Variants in ARMH3 observed in about 807,000 individuals in gnomAD.
ARMH3 encodes the protein armadillo like helical domain containing 3.
Under a neutral mutation model 99.1 loss-of-function variants are expected in ARMH3, and 60 were observed. That is an observed-to-expected ratio of 0.61 (90% confidence interval 0.49 to 0.75). The LOEUF (loss-of-function observed/expected upper bound fraction) is 0.75. ARMH3 is among the 30% of genes least tolerant of loss of function. The pLI is 0.00. For missense variants in ARMH3, 679 were observed against 843.1 expected (o/e 0.81, Z 2.41); for synonymous variants, 285 against 292.8 (o/e 0.97, Z 0.27).
chr10:101,920,741 C>T (rs1843273848), intron 23 of ARMH3, among the ~76,000 whole-genome samples: 1 of 151,994 alleles, frequency 6.6e-6, no homozygotes, highest in Admixed American at 6.6e-5. Flanking sequence ...GCAGAAGCAA[C>T]CCAAGGGTCA....
intron 23 of ARMH3, among the ~76,000 whole-genome samples, chr10:101,915,409 T>TA (rs2135569957): frequency 6.6e-6 from 1 of 152,282 alleles, no homozygotes; most frequent in Admixed American, 6.5e-5. Flanking sequence ...GTGAGCACAC[T>TA]AAGTTGCAGC....
intron 19 of ARMH3, among the ~76,000 whole-genome samples, chr10:101,983,346 A>G (rs1846315134): frequency 6.6e-6 from 1 of 152,168 alleles, no homozygotes; most frequent in Non-Finnish European, 1.5e-5. Context: ...CAGTGGTGCA[A>G]TCACGGCTCA....
At chr10:102,030,988 A>G (rs2067118003) in intron 4 of ARMH3, among the ~76,000 whole-genome samples, 1 of 151,248 alleles carries the variant, frequency 6.6e-6, no homozygotes, top group Admixed American at 6.6e-5. Flanking sequence ...GGTTTTCATC[A>G]TGTTGGCCAG....
At chr10:102,029,912 G>GTT (rs374252131) in intron 4 of ARMH3, among the ~76,000 whole-genome samples, 167 bp from the exon 5 acceptor site, 2 of 148,410 alleles carry the variant, frequency 1.3e-5, no homozygotes, top group Non-Finnish European at 1.5e-5. Context: ...GTTTGGTTCG[G>GTT]TTTTTTTGTT....
At chr10:101,893,511 CTG>C (rs2067743484) in intron 23 of ARMH3, among the ~76,000 whole-genome samples, 1 of 151,738 alleles carries the variant, frequency 6.6e-6, no homozygotes, top group Admixed American at 6.6e-5. Flanking sequence ...TAGCTTCTGT[CTG>C]GGTGGAATGT....
In ARMH3 at chr10:102,040,110, G is replaced by C; in HGVS notation, c.5C>G (p.Ala2Gly). ...CAAACCTCCACGTTTCTCTACCTGT[G>C]CCATGGTTAGAGAATCTGTGAACAG... M[A>G]QVEKRGGLLR... is the part of the protein sequence containing the mutation. The change falls in exon 2 of 26, where the codon GCA becomes GGA. Residue 2 changes from alanine to glycine, a missense_variant. Ala to Gly is a moderately conservative substitution (Grantham distance 60). Coordinates refer to ENST00000370033, the MANE Select transcript of ARMH3 (RefSeq NM_024541.3). 1 of 1,613,806 alleles carries C rather than the reference G, an allele frequency of 6.2e-7. No individual in the cohort carries two copies. Among genetic ancestry groups the C allele is most frequent in the Non-Finnish European group, 8.5e-7 (1 of 1,179,738 alleles).
chr10:102,031,938 C>T (rs2067140966), intron 4 of ARMH3, among the ~76,000 whole-genome samples: 1 of 152,072 alleles, frequency 6.6e-6, no homozygotes, highest in African/African-American at 2.4e-5. Context: ...TGGGGTTTCC[C>T]CCTGTTAGCC....
intron 23 of ARMH3, among the ~76,000 whole-genome samples, chr10:101,931,786 G>A (rs1376664549): frequency 6.6e-6 from 1 of 152,094 alleles, no homozygotes; most frequent in Non-Finnish European, 1.5e-5. Context: ...CTAAATGTAA[G>A]GGCTAAAACA....
intron 24 of ARMH3, among the ~76,000 whole-genome samples, chr10:101,884,217 G>A (rs1241961545): frequency 6.6e-6 from 1 of 152,190 alleles, no homozygotes; most frequent in African/African-American, 2.4e-5. Context: ...GAGAATCAAA[G>A]TAGACTCAAA....
intron 24 of ARMH3, among the ~76,000 whole-genome samples, chr10:101,858,472 T>C (rs997187903): frequency 6.6e-6 from 1 of 152,238 alleles, no homozygotes; most frequent in Non-Finnish European, 1.5e-5. Context: ...ACTTAAGAAG[T>C]GTAGCTATTA....
intron 23 of ARMH3, among the ~76,000 whole-genome samples, chr10:101,922,798 T>C (rs752742437): frequency 2.6e-5 from 4 of 152,138 alleles, no homozygotes; most frequent in Non-Finnish European, 4.4e-5. Flanking sequence ...CAACTACAGA[T>C]AGCTACTCCT....
At chr10:101,992,064 G>A (rs764688701) in intron 17 of ARMH3, 26 bp from the exon 18 acceptor site, 2 of 1,591,274 alleles carry the variant, frequency 1.3e-6, no homozygotes, top group East Asian at 2.2e-5. Context: ...ATGAAGAAAG[G>A]AAATTAGTAG....
rs1017937847 is a variant in ARMH3, at chr10:101,963,563, G to A, written c.1496-5831C>T. 2.6e-5 allele frequency among the ~76,000 whole-genome samples: 4 copies of A among 152,088 alleles called. No individual in the cohort carries two copies. The South Asian group carries it at 6.2e-4, about 24-fold the overall frequency. On this transcript the variant is annotated intron_variant, in intron 20 of 25. Coordinates refer to ENST00000370033, the MANE Select transcript of ARMH3 (RefSeq NM_024541.3). The stretch of plus-strand genomic sequence containing the variant: ...TGACATTACAGGCATGAGCCACTGT[G>A]CCTGGCCTATTTACTTATTTGTTTT...
At chr10:101,875,023 T>C (rs2067226865) in intron 24 of ARMH3, among the ~76,000 whole-genome samples, 1 of 152,176 alleles carries the variant, frequency 6.6e-6, no homozygotes, top group African/African-American at 2.4e-5. Flanking sequence ...TTGTAGCCCC[T>C]GGCTTGGCAC....
intron 2 of ARMH3, among the ~76,000 whole-genome samples, chr10:102,036,048 G>A (rs1166541029): frequency 3.3e-5 from 5 of 149,664 alleles, no homozygotes; most frequent in Non-Finnish European, 5.9e-5. Flanking sequence ...GAGCGTCTCC[G>A]CCCGGCCGCC....
At chr10:102,008,599 C>T (rs1481575094) in intron 13 of ARMH3, among the ~76,000 whole-genome samples, 1 of 152,018 alleles carries the variant, frequency 6.6e-6, no homozygotes, top group East Asian at 1.9e-4. Context: ...GTCACCCAGG[C>T]TGGAGTGCAA....
intron 2 of ARMH3, among the ~76,000 whole-genome samples, chr10:102,038,395 A>G (rs1235841438): frequency 4.6e-5 from 7 of 152,082 alleles, no homozygotes; most frequent in Admixed American, 1.3e-4. Context: ...CGCCCAGCCA[A>G]AAGAATCCTA....
chr10:102,055,847 G>A (rs2067837422), intron 1 of ARMH3, among the ~76,000 whole-genome samples: 1 of 152,202 alleles, frequency 6.6e-6, no homozygotes, highest in African/African-American at 2.4e-5. Context: ...CCGAGGGACC[G>A]GCCGCTGGAA....
intron 2 of ARMH3, among the ~76,000 whole-genome samples, chr10:102,038,359 G>A (rs1479707620): frequency 6.6e-6 from 1 of 152,090 alleles, no homozygotes; most frequent in Non-Finnish European, 1.5e-5. Context: ...CTCCCAAAGT[G>A]CTGAGATTAC....
Sources: gnomAD v4.1 joint callset for allele counts (sites outside exome capture counted in the v4.1 genomes callset) on GRCh38, gnomAD v4.1.1 for gene constraint, MANE v1.5 for transcripts, NCBI Gene and HGNC (gene_info 2026-07-23, HGNC 2026-07-21) for gene names.